The following CPS1 variants were observed in gnomAD, a reference collection of about 807,000 sequenced individuals.
The protein encoded by CPS1 is carbamoyl-phosphate synthase [ammonia], mitochondrial.
A neutral mutation model predicts 174.6 loss-of-function variants in CPS1; 109 were observed. The ratio of observed to expected loss-of-function variants is 0.62; its 90% CI spans 0.53 to 0.73. The LOEUF (loss-of-function observed/expected upper bound fraction) is 0.73. Ranked by LOEUF, CPS1 falls within the 30% of genes least tolerant of loss-of-function variation. The pLI, the probability that CPS1 is intolerant of heterozygous loss-of-function variation, is 0.00. For synonymous variants in CPS1, 637 were observed against 632.0 expected, an observed-to-expected ratio of 1.01 and a Z score of -0.12; for missense variants, 1,689 against 1,821.9, an observed-to-expected ratio of 0.93 and a Z score of 1.33.
At chr2:210,522,975 A>C (rs1242691990) in intron 1 of CPS1, among the ~76,000 whole-genome samples, 18 of 152,020 alleles carry the variant, frequency 1.2e-4, no homozygotes, top group Admixed American at 1.2e-3. Flanking sequence ...ATTGTAAACA[A>C]CTTAAAGCTA....
Position 210,591,979 on chromosome 2 carries a change from G to A in CPS1, c.1086+10G>A. On this transcript the variant is annotated intron_variant, in intron 10 of 37. Coordinates refer to ENST00000233072, the MANE Select transcript of CPS1 (RefSeq NM_001875.5). ...CGATCAAACAAATGAGGTAAATGAT[G>A]TCAATAAACCTGTTCAGTTGGTGAT... The A allele has an allele frequency of 6.2e-7, 1 of 1,609,622 alleles. No homozygotes were observed. Among genetic ancestry groups the A allele is most frequent in the Non-Finnish European group, 8.5e-7 (1 of 1,178,136 alleles).
At chr2:210,604,897 T>G in intron 16 of CPS1, 1 of 574,146 alleles carries the variant, frequency 1.7e-6, no homozygotes. Flanking sequence ...CTCAATAATG[T>G]AAATCAAGCA....
chr2:210,487,724 T>A (rs1694767078), intron 1 of CPS1, among the ~76,000 whole-genome samples: 1 of 152,206 alleles, frequency 6.6e-6, no homozygotes, highest in African/African-American at 2.4e-5. Flanking sequence ...TTCTTATTTT[T>A]TAGAATTCTT....
chr2:210,491,623 T>C (rs1179425072), intron 1 of CPS1, among the ~76,000 whole-genome samples: 2 of 152,130 alleles, frequency 1.3e-5, no homozygotes, highest in Non-Finnish European at 2.9e-5. Flanking sequence ...ATGTTTGTTT[T>C]TTTCCTGGTG....
At position 210,582,713 on chromosome 2, in the gene CPS1, AG is replaced by A. The variant is rs1574551647; in HGVS notation, c.621+8del. 6 of 1,604,014 alleles carry A rather than the reference AG, an allele frequency of 3.7e-6. No individual in the cohort carries two copies. In the East Asian group the frequency reaches 1.1e-4, roughly 30 times the overall value. On this transcript the variant is annotated splice_donor_5th_base_variant and intron_variant, in intron 6 of 37. Coordinates refer to ENST00000233072, the MANE Select transcript of CPS1 (RefSeq NM_001875.5). ...GATTGCTGAGGTTTCAACCAAGGTG[AG>A]GGGTTTTCCTTTATATTTTGTAGTT...
upstream of CPS1, among the ~76,000 whole-genome samples, chr2:210,554,953 T>C (rs1170858954): frequency 1.3e-5 from 2 of 151,856 alleles, no homozygotes; most frequent in Non-Finnish European, 2.9e-5. Context: ...GTTCTCTAGG[T>C]TGGGAGTTTT....
At chr2:210,564,856 G>A (rs530420780) in intron 1 of CPS1, among the ~76,000 whole-genome samples, 1 of 151,960 alleles carries the variant, frequency 6.6e-6, no homozygotes, top group Non-Finnish European at 1.5e-5. Flanking sequence ...GCTGGGTGTG[G>A]TGGCGCAAAG....
intron 21 of CPS1, among the ~76,000 whole-genome samples, chr2:210,623,703 C>T (rs1229631125): frequency 1.3e-5 from 2 of 152,074 alleles, no homozygotes; most frequent in Admixed American, 1.3e-4. Context: ...TGGCCATTTC[C>T]CTGCAGCCAC....
In CPS1 at chr2:210,556,798, A is replaced by G. The variant is rs1696927100; in HGVS notation, c.65A>G (p.Asn22Ser). Residue 22 changes from asparagine to serine, a missense_variant, in exon 1 of 38, where the codon AAT becomes AGT. Physicochemically the swap from Asn to Ser is conservative, Grantham distance 46. Transcript: ENST00000233072. Reference sequence around the variant, plus strand: ...CTGAAGACTGGTTTTGGCTTTACCAATGTGACTGCACACCAAAAATGGAAA... The same window carrying G: ...CTGAAGACTGGTTTTGGCTTTACCAGTGTGACTGCACACCAAAAATGGAAA... Reference protein sequence around the residue: ...RTLKTGFGFTNVTAHQKWKFS... With the variant: ...RTLKTGFGFTSVTAHQKWKFS... The G allele has an allele frequency of 1.9e-6, 3 of 1,613,208 alleles. No individual in the cohort carries two copies. The highest frequency in any genetic ancestry group is 1.7e-6 in the Non-Finnish European group (2 of 1,179,412).
intron 16 of CPS1, among the ~76,000 whole-genome samples, chr2:210,603,497 A>C (rs905039107): frequency 3.3e-5 from 5 of 151,852 alleles, no homozygotes; most frequent in Non-Finnish European, 1.5e-5. Context: ...TTTAGAGCAA[A>C]AACATGTTTT....
At chr2:210,504,218 T>C (rs1411672770) in intron 1 of CPS1, among the ~76,000 whole-genome samples, 2 of 152,146 alleles carry the variant, frequency 1.3e-5, no homozygotes, top group Admixed American at 6.5e-5. Flanking sequence ...TGAAGATCCA[T>C]TGTTTATTCT....
intron 1 of CPS1, among the ~76,000 whole-genome samples, chr2:210,537,817 T>C (rs957590475): frequency 1.3e-5 from 2 of 152,204 alleles, no homozygotes; most frequent in African/African-American, 4.8e-5. Flanking sequence ...AGACATGTGC[T>C]GTTTCCTCTT....
chr2:210,648,600 A>G (rs952378299), intron 27 of CPS1, 60 bp downstream of exon 27: 10 of 1,248,484 alleles, frequency 8.0e-6, no homozygotes, highest in East Asian at 2.3e-5. Context: ...ACAGAAATGC[A>G]TGCTGTATGC....
intron 1 of CPS1, among the ~76,000 whole-genome samples, chr2:210,531,391 G>A (rs532927351): frequency 6.6e-6 from 1 of 152,118 alleles, no homozygotes; most frequent in African/African-American, 2.4e-5. Flanking sequence ...AGTTATTTTA[G>A]GATTTCTGTT....
In CPS1 at chr2:210,657,989, G is replaced by A. The variant is rs1361150462; in HGVS notation, c.3667-610G>A. 5.9e-5 allele frequency among the ~76,000 whole-genome samples: 9 copies of A among 152,316 alleles called. No individual in the cohort carries two copies. In the South Asian group the frequency reaches 1.0e-3, roughly 18 times the overall value. ...TGAACCACTCTTGTGAGCATAATGA[G>A]TGAGGAGCTCTTGCTCTTTGTAATC... On this transcript the variant is annotated intron_variant, in intron 30 of 37. Transcript: ENST00000233072.
rs73076044 is a variant in CPS1, at chr2:210,647,744, G to C, written c.3142-119G>C. 5.0e-3 allele frequency: 6,220 copies of C among 1,252,882 alleles called. 231 individuals carry two copies. The African/African-American group carries it at 0.081, about 16-fold the overall frequency. 77.6% of individuals were successfully genotyped at this position (1,252,882 alleles called of 1,614,324 possible). A position where few individuals can be genotyped will look rare whatever the true frequency, so the allele number is the denominator to read the frequency against. ...TTTAACAGTATTCATTGGTAGGAGA[G>C]ATGTAAATATCACAGTCAGGTTAAG... On this transcript the variant is annotated intron_variant, in intron 25 of 37. Transcript: ENST00000233072.
Position 210,600,541 on chromosome 2 carries a change from T to G in CPS1, c.1550-14T>G. 3 of 1,611,422 alleles carry G rather than the reference T, an allele frequency of 1.9e-6. No homozygotes were observed. Among genetic ancestry groups the G allele is most frequent in the Non-Finnish European group, 2.5e-6 (3 of 1,178,380 alleles). ...CAAGATTTTAAAAACTAATCCTATTTGGTTCTTCTTTAGGAGTGGAACTAT... is the reference window on the plus strand; with the variant it reads ...CAAGATTTTAAAAACTAATCCTATTGGGTTCTTCTTTAGGAGTGGAACTAT... On this transcript the variant is annotated splice_polypyrimidine_tract_variant and intron_variant, in intron 14 of 37. Transcript: ENST00000233072.
At chr2:210,534,627 A>G (rs1358365954) in intron 1 of CPS1, among the ~76,000 whole-genome samples, 3 of 152,226 alleles carry the variant, frequency 2.0e-5, no homozygotes, top group East Asian at 1.9e-4. Flanking sequence ...GAGACATTGT[A>G]ATGGGTTTAA....
intron 1 of CPS1, among the ~76,000 whole-genome samples, chr2:210,518,046 A>T (rs1347260041): frequency 4.6e-5 from 7 of 152,000 alleles, no homozygotes; most frequent in Non-Finnish European, 1.0e-4. Flanking sequence ...ATGATAGTTT[A>T]AGTGCCATAT....
Sources: allele counts gnomAD v4.1 joint callset (sites outside exome capture counted in the v4.1 genomes callset), GRCh38; gene constraint gnomAD v4.1.1; transcripts MANE v1.5; gene names NCBI Gene and HGNC (gene_info 2026-07-23, HGNC 2026-07-21).